Variants in HENMT1 observed in about 807,000 individuals in gnomAD.
The protein encoded by HENMT1 is HEN methyltransferase 1.
Under a neutral mutation model 31.1 loss-of-function variants are expected in HENMT1, and 27 were observed. That is an observed-to-expected ratio of 0.87 (90% CI 0.64 to 1.20). The LOEUF is 1.20. Among genes scored for constraint, HENMT1 ranks in the 50% most tolerant of loss-of-function variants. The pLI is 0.00. For synonymous variants in HENMT1, 167 were observed against 172.2 expected (o/e 0.97, Z 0.24); for missense variants, 438 against 469.6 (o/e 0.93, Z 0.62).
rs776425141 is a variant in HENMT1 at position 108,654,716 on chromosome 1, A to C, written c.398T>G (p.Leu133Ter). 4 of 1,614,004 alleles carry C rather than the reference A, an allele frequency of 2.5e-6. No individual in the cohort carries two copies. The highest frequency in any genetic ancestry group is 3.4e-6 in the Non-Finnish European group (4 of 1,179,904). ...TACAGTGTATCAGTTTAAAACTTAC[A>C]ATTCAATACACGTTATCAAGTCAAA... ...LGFDLITCIE[L>*]IEHLDSGDLA... The change falls in exon 5 of 8, where the codon TTA becomes TGA. Residue 133 changes from leucine to a stop codon, truncating the protein, a stop_gained and splice_region_variant. Coordinates refer to ENST00000651461, the MANE Select transcript of HENMT1 (RefSeq NM_001102592.2). LOFTEE classifies it high-confidence loss of function.
chr1:108,653,907 C>T (rs1658136707), intron 5 of HENMT1, among the ~76,000 whole-genome samples: 1 of 152,140 alleles, frequency 6.6e-6, no homozygotes, highest in African/African-American at 2.4e-5. Context: ...CATATATTCC[C>T]ATTTGTGTAT....
In HENMT1 at chr1:108,659,851, A is replaced by C. The variant is rs376789982; in HGVS notation, c.21+13T>G. On this transcript the variant is annotated intron_variant, in intron 2 of 7. Transcript: ENST00000651461. ...TTAAGAGTCAAAGACGCAGCTAAGA[A>C]GGGTGGCATTACCTGTAGATTATTT... 6.7e-7 allele frequency: 1 copy of C among 1,493,412 alleles called. No individual in the cohort carries two copies. The highest frequency in any genetic ancestry group is 1.4e-5 in the African/African-American group (1 of 71,530). 92.5% of individuals were successfully genotyped at this position (1,493,412 alleles called of 1,614,324 possible).
Position 108,658,038 on chromosome 1 carries a change from CATAT to C in HENMT1, c.22-463_22-460del, listed in dbSNP as rs1289197785. On this transcript the variant is annotated intron_variant, in intron 2 of 7. Coordinates refer to ENST00000651461, the MANE Select transcript of HENMT1 (RefSeq NM_001102592.2). ...ATGTACACACACTTACACACACACA[CATAT>C]ATATACACACACACACACATATATA... Among the ~76,000 whole-genome samples the C allele has an allele frequency of 4.1e-4, 51 of 123,826 alleles. 1 individual carries two copies. Among genetic ancestry groups the C allele is most frequent in the Admixed American group, 1.1e-3 (13 of 11,884 alleles). The allele number at this position is 123,826 out of a possible 152,430, so 81.2% of individuals were successfully genotyped here.
rs551208364 is a variant in HENMT1, at chr1:108,661,038, A to C, written c.-154T>G. The C allele has an allele frequency of 2.0e-6, 2 of 983,672 alleles. No individual in the cohort carries two copies. The highest frequency in any genetic ancestry group is 2.4e-6 in the Non-Finnish European group (2 of 828,422). 60.9% of individuals were successfully genotyped at this position (983,672 alleles called of 1,614,324 possible). A position where few individuals can be genotyped will look rare whatever the true frequency, so the allele number is the denominator to read the frequency against. On this transcript the variant is annotated 5_prime_UTR_variant, in exon 1 of 8. Coordinates refer to ENST00000651461, the MANE Select transcript of HENMT1 (RefSeq NM_001102592.2). ...GGTAAGCAGCATGCCCAACCGAAAA[A>C]ACAAAGCTCGTCGCGGAGCCGCCAG...
intron 3 of HENMT1, among the ~76,000 whole-genome samples, chr1:108,656,992 C>T (rs61359836): frequency 0.049 from 7,466 of 152,216 alleles, 604 homozygotes; most frequent in African/African-American, 0.17. Context: ...CAGGAAAGGG[C>T]TCACTGCAAA....
intron 7 of HENMT1, chr1:108,649,350 C>G: frequency 2.2e-6 from 1 of 463,120 alleles, no homozygotes; most frequent in South Asian, 1.5e-5. Context: ...CCTGTAATCT[C>G]AGCATTTTAG....
intron 5 of HENMT1, among the ~76,000 whole-genome samples, chr1:108,654,286 G>A (rs1658146686): frequency 1.3e-5 from 2 of 152,074 alleles, no homozygotes. Flanking sequence ...TATTACTACT[G>A]CTTTGTAGTA....
At chr1:108,660,463 G>C (rs932624810) in intron 1 of HENMT1, among the ~76,000 whole-genome samples, 1 of 152,048 alleles carries the variant, frequency 6.6e-6, no homozygotes, top group Non-Finnish European at 1.5e-5. Flanking sequence ...TCGTCAAAAT[G>C]AAATTTCGAG....
rs1266245849 is a variant in HENMT1, at chr1:108,650,278, CG to C, written c.688del (p.Arg230GlyfsTer53). On this transcript the variant is annotated frameshift_variant, in exon 7 of 8. Coordinates refer to ENST00000651461, the MANE Select transcript of HENMT1 (RefSeq NM_001102592.2). LOFTEE classifies it high-confidence loss of function. The part of the protein sequence containing the change: ...VGYCTQIGIF[R>X]KNGGKATESC... ...TTCTGTTGCCTTTCCTCCATTTTTC[CG>C]GAAGATTCCTATCTGGGTACAGTAT... is the stretch of plus-strand genomic sequence containing the variant. 5 of 1,613,982 alleles carry C rather than the reference CG, an allele frequency of 3.1e-6. No homozygotes were observed. Among genetic ancestry groups the C allele is most frequent in the Non-Finnish European group, 4.2e-6 (5 of 1,179,986 alleles).
chr1:108,654,785 A>G lies in HENMT1; in HGVS notation c.329T>C (p.Leu110Ser). 3 of 1,614,096 alleles carry G rather than the reference A, an allele frequency of 1.9e-6. No individual in the cohort carries two copies. The highest frequency in any genetic ancestry group is 1.1e-5 in the South Asian group (1 of 91,080). Residue 110 changes from leucine (L) to serine (S), a missense_variant, in exon 5 of 8, where the codon TTG becomes TCG. Coordinates refer to ENST00000651461, the MANE Select transcript of HENMT1 (RefSeq NM_001102592.2). ...KPRDLNLTITLYHGSVVERDS... is the reference protein window; with the variant it reads ...KPRDLNLTITSYHGSVVERDS... ...TCTCTCCACAACGGAGCCATGATAC[A>G]ATGTGATGGTCAAATTCAGATCCCG... is the stretch of plus-strand genomic sequence containing the variant.
chr1:108,659,593 CAT>C (rs1658378475), intron 2 of HENMT1, among the ~76,000 whole-genome samples: 1 of 152,320 alleles, frequency 6.6e-6, no homozygotes, highest in African/African-American at 2.4e-5. Flanking sequence ...CCAGGTGATC[CAT>C]ATACACAACC....
intron 3 of HENMT1, 150 bp from the exon 4 acceptor site, chr1:108,655,848 T>TACACAC (rs61122468): frequency 0.049 from 11,447 of 233,548 alleles, 415 homozygotes; most frequent in Admixed American, 0.072. Flanking sequence ...CAGAAGATGC[T>TACACAC]ACACACACAC....
chr1:108,658,325 G>A (rs549822969), intron 2 of HENMT1, among the ~76,000 whole-genome samples: 2 of 152,022 alleles, frequency 1.3e-5, no homozygotes, highest in East Asian at 3.9e-4. Flanking sequence ...TAGTAGTGAC[G>A]GGTTTCACCA....
rs1658391924 is a variant in HENMT1 at position 108,659,899 on chromosome 1, T to C, written c.-15A>G. ...TTTTCTTCCATTTTGTTTCGAAGTTTTGTTGAAACAAAAATGAAGATTTAT... is the reference window on the plus strand; with the variant it reads ...TTTTCTTCCATTTTGTTTCGAAGTTCTGTTGAAACAAAAATGAAGATTTAT... On this transcript the variant is annotated 5_prime_UTR_variant, in exon 2 of 8. Coordinates refer to ENST00000651461, the MANE Select transcript of HENMT1 (RefSeq NM_001102592.2). The C allele has an allele frequency of 5.0e-6, 8 of 1,600,412 alleles. No individual in the cohort carries two copies. Among genetic ancestry groups the C allele is most frequent in the Non-Finnish European group, 6.8e-6 (8 of 1,174,050 alleles).
In HENMT1 at chr1:108,651,146, A is replaced by G. The variant is rs756301236; in HGVS notation, c.462T>C (p.Ser154=). ...RFPEVVFGYL[S]PSMIVISTPN... ...GTGTGCTGATGACAATCATGGATGG[A>G]GACAGGTACCCAAATACCACTTCAG... is the stretch of plus-strand genomic sequence containing the variant. The change falls in exon 6 of 8, where the codon TCT becomes TCC. Residue 154 remains serine, a synonymous_variant. Transcript: ENST00000651461. 3.1e-6 allele frequency: 5 copies of G among 1,614,012 alleles called. No homozygotes were observed. Among genetic ancestry groups the G allele is most frequent in the African/African-American group, 1.3e-5 (1 of 75,056 alleles).
intron 7 of HENMT1, chr1:108,649,463 A>G (rs753399548): frequency 4.8e-5 from 21 of 441,566 alleles, no homozygotes; most frequent in Non-Finnish European, 8.1e-5. Context: ...AAACAAAACA[A>G]AAAAAAGCTG....
chr1:108,659,003 T>A (rs1490940841), intron 2 of HENMT1, among the ~76,000 whole-genome samples: 2 of 152,232 alleles, frequency 1.3e-5, no homozygotes, highest in Admixed American at 1.3e-4. Context: ...AATTAGAATA[T>A]TTAAACCAAT....
chr1:108,658,990 C>T (rs1658355972), intron 2 of HENMT1, among the ~76,000 whole-genome samples: 1 of 152,014 alleles, frequency 6.6e-6, no homozygotes, highest in Non-Finnish European at 1.5e-5. Flanking sequence ...GAATTATAAT[C>T]GGAATTAGAA....
At chr1:108,655,842 A>C (rs1658219850) in intron 3 of HENMT1, 144 bp from the exon 4 acceptor site, 1 of 409,664 alleles carries the variant, frequency 2.4e-6, no homozygotes, top group African/African-American at 2.5e-5. Flanking sequence ...TTTTGGCAGA[A>C]GATGCTACAC....
Sources: gnomAD v4.1 joint callset for allele counts (sites outside exome capture counted in the v4.1 genomes callset) on GRCh38, gnomAD v4.1.1 for gene constraint, MANE v1.5 for transcripts, NCBI Gene and HGNC (gene_info 2026-07-23, HGNC 2026-07-21) for gene names.